The following PLS1 variants were observed in gnomAD, a reference collection of about 807,000 sequenced individuals.
The protein encoded by PLS1 is plastin-1.
A neutral mutation model predicts 73.7 loss-of-function variants in PLS1; 32 were observed. The ratio of observed to expected loss-of-function variants is 0.43; its 90% CI spans 0.33 to 0.58. The LOEUF (loss-of-function observed/expected upper bound fraction) is 0.58. Among genes scored for constraint, PLS1 ranks in the 20% least tolerant of loss-of-function variants. PLS1 has a pLI of 0.04. For synonymous variants in PLS1, 217 were observed against 261.3 expected, an observed-to-expected ratio of 0.83 and a Z score of 1.63; for missense variants, 633 against 740.5, an observed-to-expected ratio of 0.85 and a Z score of 1.68.
rs552770026 is a variant in PLS1, at chr3:142,664,521, C to A, written c.70+214C>A. Reference sequence around the variant, plus strand: ...TGAATTGGACTTTGAATTCTTTGATCATTTCTTTGCAGAGAGTAATCCAGG... The same window carrying A: ...TGAATTGGACTTTGAATTCTTTGATAATTTCTTTGCAGAGAGTAATCCAGG... On this transcript the variant is annotated intron_variant, in intron 2 of 15. Transcript: ENST00000457734. Among the ~76,000 whole-genome samples, 4 of 152,190 alleles carry A rather than the reference C, an allele frequency of 2.6e-5. No homozygotes were observed. The South Asian group carries it at 8.3e-4, about 32-fold the overall frequency.
chr3:142,664,437 A>G, intron 2 of PLS1, 130 bp downstream of exon 2: 2 of 519,448 alleles, frequency 3.9e-6, no homozygotes, highest in Non-Finnish European at 6.9e-6. Context: ...TTTTCTATCT[A>G]GGTTTCACTG....
chr3:142,605,057 G>T (rs182822787), intron 1 of PLS1, among the ~76,000 whole-genome samples: 8 of 152,274 alleles, frequency 5.3e-5, no homozygotes, highest in African/African-American at 1.7e-4. Flanking sequence ...CCTGAAACCA[G>T]TTGGCCTATG....
intron 1 of PLS1, among the ~76,000 whole-genome samples, chr3:142,663,054 A>G (rs1410910099): frequency 6.6e-6 from 1 of 151,962 alleles, no homozygotes; most frequent in Non-Finnish European, 1.5e-5. Context: ...TACTAAAAAT[A>G]CAAAAATTAG....
rs373182290 is a variant in PLS1 at position 142,694,460 on chromosome 3, C to A, written c.1178-9C>A. 29 of 1,571,296 alleles carry A rather than the reference C, an allele frequency of 1.8e-5. No individual in the cohort carries two copies. Among genetic ancestry groups the A allele is most frequent in the African/African-American group, 1.8e-4 (13 of 73,878 alleles). On this transcript the variant is annotated splice_polypyrimidine_tract_variant and intron_variant, in intron 10 of 15. Coordinates refer to ENST00000457734, the MANE Select transcript of PLS1 (RefSeq NM_001145319.2). ...CTGAGTCATCAGTGTGAGCTTGTGT[C>A]TACTCTAGGAGAGAGCAAGGAAGAG... is the stretch of plus-strand genomic sequence containing the variant.
At chr3:142,656,277 T>C (rs1294101325) in intron 1 of PLS1, among the ~76,000 whole-genome samples, 2 of 152,172 alleles carry the variant, frequency 1.3e-5, no homozygotes, top group Non-Finnish European at 2.9e-5. Context: ...TTAAGAAAAG[T>C]TTTCTATCAT....
intron 14 of PLS1, among the ~76,000 whole-genome samples, chr3:142,708,349 C>T (rs1932946793): frequency 6.6e-6 from 1 of 152,156 alleles, no homozygotes; most frequent in African/African-American, 2.4e-5. Flanking sequence ...CAGGGTCAAG[C>T]GATTCTCCTG....
At chr3:142,618,748 T>C (rs781265533) in intron 1 of PLS1, among the ~76,000 whole-genome samples, 21 of 152,244 alleles carry the variant, frequency 1.4e-4, no homozygotes, top group South Asian at 4.2e-4. Context: ...TCCTCCTCCT[T>C]CTGTTTCATC....
intron 1 of PLS1, among the ~76,000 whole-genome samples, chr3:142,611,787 A>G (rs921370250): frequency 1.3e-5 from 2 of 152,106 alleles, no homozygotes; most frequent in Non-Finnish European, 2.9e-5. Context: ...AATACCTAAT[A>G]TCTATTGGGC....
intron 1 of PLS1, among the ~76,000 whole-genome samples, chr3:142,608,920 G>C (rs2036071305): frequency 6.6e-6 from 1 of 152,182 alleles, no homozygotes; most frequent in Non-Finnish European, 1.5e-5. Flanking sequence ...GAGTATGTTT[G>C]CCAGCAGTTA....
intron 2 of PLS1, among the ~76,000 whole-genome samples, chr3:142,668,236 C>G (rs1456833642): frequency 6.6e-6 from 1 of 152,146 alleles, no homozygotes; most frequent in African/African-American, 2.4e-5. Flanking sequence ...TACCCGGCCT[C>G]TAGGGAAAAC....
chr3:142,636,638 C>T (rs537976267), intron 1 of PLS1, among the ~76,000 whole-genome samples: 2 of 152,294 alleles, frequency 1.3e-5, no homozygotes, highest in South Asian at 4.1e-4. Context: ...AATGAAATGA[C>T]AATTCTCAGA....
intron 2 of PLS1, among the ~76,000 whole-genome samples, chr3:142,667,795 A>G (rs992524639): frequency 6.6e-6 from 1 of 152,214 alleles, no homozygotes; most frequent in African/African-American, 2.4e-5. Context: ...AGCCTAATCT[A>G]TGTGTGTATT....
At chr3:142,653,061 T>G (rs574598311) in intron 1 of PLS1, among the ~76,000 whole-genome samples, 2 of 152,334 alleles carry the variant, frequency 1.3e-5, no homozygotes, top group South Asian at 4.1e-4. Flanking sequence ...AAATACTTGC[T>G]GAGTCATTGC....
chr3:142,626,650 A>G (rs2036436336), intron 1 of PLS1, among the ~76,000 whole-genome samples: 1 of 152,152 alleles, frequency 6.6e-6, no homozygotes, highest in South Asian at 2.1e-4. Flanking sequence ...TTTGCCCAAC[A>G]TGTGATCACA....
intron 14 of PLS1, among the ~76,000 whole-genome samples, chr3:142,709,575 G>T (rs1471995612): frequency 6.6e-6 from 1 of 152,204 alleles, no homozygotes; most frequent in Non-Finnish European, 1.5e-5. Flanking sequence ...CCACCACGGT[G>T]GGAGGCCGAG....
intron 4 of PLS1, among the ~76,000 whole-genome samples, chr3:142,674,411 C>G (rs756685752): frequency 1.3e-5 from 2 of 152,082 alleles, no homozygotes; most frequent in South Asian, 4.2e-4. Flanking sequence ...GCAAAATATT[C>G]CCTTGGGAAA....
rs2037372538 is a variant in PLS1 at position 142,661,604 on chromosome 3, GA to G, written c.-36-2597del. 2.0e-5 allele frequency among the ~76,000 whole-genome samples: 3 copies of G among 152,212 alleles called. No individual in the cohort carries two copies. The South Asian group carries it at 6.2e-4, about 32-fold the overall frequency. ...CAGTGAATAAATTATTTTGAAAATT[GA>G]TGTGCTTCACTGAAAAATTAGGGAT... On this transcript the variant is annotated intron_variant, in intron 1 of 15. Transcript: ENST00000457734.
chr3:142,688,098 C>G (rs1207539960), intron 9 of PLS1, among the ~76,000 whole-genome samples: 1 of 152,050 alleles, frequency 6.6e-6, no homozygotes, highest in Non-Finnish European at 1.5e-5. Flanking sequence ...CAGGTGCACA[C>G]CACCACACCT....
chr3:142,630,434 A>C (rs1247655778), intron 1 of PLS1, among the ~76,000 whole-genome samples: 5 of 150,418 alleles, frequency 3.3e-5, no homozygotes, highest in Non-Finnish European at 7.4e-5. Context: ...AAAAAAAAAA[A>C]AAAAAACAAA....
Sources: gnomAD v4.1 joint callset for allele counts (sites outside exome capture counted in the v4.1 genomes callset) on GRCh38, gnomAD v4.1.1 for gene constraint, MANE v1.5 for transcripts, NCBI Gene and HGNC (gene_info 2026-07-23, HGNC 2026-07-21) for gene names.